Variants in FAM200B observed in about 807,000 individuals in gnomAD.
FAM200B encodes the protein zinc finger BED-type containing 11.
In FAM200B, 32 loss-of-function variants were observed where a neutral mutation model predicts 33.1. The observed-to-expected ratio is 0.97, with a 90% CI of 0.73 to 1.30. The LOEUF (loss-of-function observed/expected upper bound fraction) is 1.30, where lower values mean the gene tolerates loss of function less well. FAM200B is among the 50% of genes most tolerant of loss of function. The probability of loss-of-function intolerance (pLI) is 0.00; values close to 1 mark genes in which losing one functional copy is unlikely to be tolerated. For synonymous variants in FAM200B, 240 were observed against 264.8 expected, an observed-to-expected ratio of 0.91 and a Z score of 0.91; for missense variants, 741 against 754.0, an observed-to-expected ratio of 0.98 and a Z score of 0.20.
chr4:15,652,886 CTGTT>C, the FAM200B span, among the ~76,000 whole-genome samples: 36,624 of 151,988 alleles, frequency 0.24, 4,614 homozygotes, highest in African/African-American at 0.28. Flanking sequence ...TTATTGTAAA[CTGTT>C]TGGTTGGATA....
At chr4:15,651,791 G>C in the FAM200B span, among the ~76,000 whole-genome samples, 1 of 152,228 alleles carries the variant, frequency 6.6e-6, no homozygotes, top group African/African-American at 2.4e-5. Context: ...CACACCTTAA[G>C]GCCTCCACCA....
chr4:15,658,622 A>G, the FAM200B span, among the ~76,000 whole-genome samples: 1 of 152,200 alleles, frequency 6.6e-6, no homozygotes, highest in African/African-American at 2.4e-5. Context: ...AGTCGCCACC[A>G]GAAAAAAGGC....
chr4:15,680,970 T>A (rs927955182), upstream of FAM200B, among the ~76,000 whole-genome samples: 2 of 145,386 alleles, frequency 1.4e-5, no homozygotes, highest in Non-Finnish European at 3.0e-5. Context: ...CATATATATA[T>A]AAATATATAT....
chr4:15,678,129 A>T (rs914046604), upstream of FAM200B, among the ~76,000 whole-genome samples: 1 of 152,220 alleles, frequency 6.6e-6, no homozygotes, highest in African/African-American at 2.4e-5. Flanking sequence ...CTGTGAATTT[A>T]AAAATCAAAC....
upstream of FAM200B, among the ~76,000 whole-genome samples, chr4:15,678,796 T>C (rs1427820598): frequency 1.3e-5 from 2 of 152,186 alleles, no homozygotes; most frequent in East Asian, 1.9e-4. Context: ...AATGTCACTG[T>C]CTTCATTTTT....
At chr4:15,652,298 A>G in the FAM200B span, among the ~76,000 whole-genome samples, 1 of 152,198 alleles carries the variant, frequency 6.6e-6, no homozygotes, top group African/African-American at 2.4e-5. Context: ...GATTTAATAT[A>G]AAGAAAATTA....
chr4:15,650,780 C>A, the FAM200B span, among the ~76,000 whole-genome samples: 1 of 151,044 alleles, frequency 6.6e-6, no homozygotes, highest in Non-Finnish European at 1.5e-5. Flanking sequence ...TTACAGGACC[C>A]CGCCACCATG....
chr4:15,687,776 C>A lies in FAM200B; in HGVS notation c.799C>A (p.Leu267Ile). The change falls in exon 2 of 2, where the codon CTA (leucine) becomes ATA (isoleucine). Residue 267 changes from leucine (L) to isoleucine (I), a missense_variant. Leu to Ile is a conservative substitution (Grantham distance 5). Coordinates refer to ENST00000422728, the MANE Select transcript of FAM200B (RefSeq NM_001145191.2). ...FLCFLNLTSH[L>I]SGLDIFTELE... ...GTGTTTTTTAAATTTAACCTCACAC[C>A]TAAGTGGATTAGATATTTTTACAGA... 1.3e-6 allele frequency: 2 copies of A among 1,550,530 alleles called. No homozygotes were observed. Among genetic ancestry groups the A allele is most frequent in the Non-Finnish European group, 1.7e-6 (2 of 1,146,446 alleles).
At chr4:15,641,977 G>A in the FAM200B span, among the ~76,000 whole-genome samples, 2 of 151,578 alleles carry the variant, frequency 1.3e-5, no homozygotes, top group Admixed American at 6.6e-5. Context: ...GCGGTGAGCC[G>A]AGATTGCACC....
chr4:15,669,282 G>A, the FAM200B span, among the ~76,000 whole-genome samples: 1 of 152,090 alleles, frequency 6.6e-6, no homozygotes, highest in Admixed American at 6.6e-5. Context: ...TTACTTTACT[G>A]TAGGCAATTG....
chr4:15,667,871 G>A, the FAM200B span, among the ~76,000 whole-genome samples: 81 of 152,002 alleles, frequency 5.3e-4, no homozygotes, highest in African/African-American at 1.8e-3. Context: ...GAGAAACCCC[G>A]TCTCTAATAA....
chr4:15,647,995 C>A, the FAM200B span, among the ~76,000 whole-genome samples: 1 of 152,166 alleles, frequency 6.6e-6, no homozygotes, highest in Non-Finnish European at 1.5e-5. Flanking sequence ...ATAGCTGGAA[C>A]TACAGGTGTG....
chr4:15,686,925 G>A lies in FAM200B; in HGVS notation c.-53G>A, dbSNP rs1203440361. On this transcript the variant is annotated 5_prime_UTR_variant, in exon 2 of 2. Transcript: ENST00000422728. ...ACTGTATATTTTTTTCTTCTTTTTT[G>A]AGTTAGTGCCAATTATAACATTTTA... The A allele has an allele frequency of 1.3e-5, 12 of 925,830 alleles. No homozygotes were observed. In the African/African-American group the frequency reaches 2.0e-4, roughly 16 times the overall value. The allele number at this position is 925,830 out of a possible 1,614,324, so 57.4% of individuals were successfully genotyped here. A position where few individuals can be genotyped will look rare whatever the true frequency, so the allele number is the denominator to read the frequency against.
chr4:15,680,600 C>CA (rs999378562), upstream of FAM200B, among the ~76,000 whole-genome samples: 18 of 152,124 alleles, frequency 1.2e-4, no homozygotes, highest in South Asian at 6.2e-4. Context: ...TCGCTTGAAC[C>CA]AGGAGGCTGA....
the FAM200B span, chr4:15,638,496 T>C: frequency 4.5e-6 from 7 of 1,556,676 alleles, no homozygotes; most frequent in East Asian, 1.6e-4. Context: ...TCTTTATATA[T>C]ATGAATCTCA....
At chr4:15,649,807 C>G in the FAM200B span, among the ~76,000 whole-genome samples, 2 of 151,922 alleles carry the variant, frequency 1.3e-5, no homozygotes, top group Admixed American at 1.3e-4. Context: ...TTAAAACAAC[C>G]TAAAAAGTAG....
the FAM200B span, chr4:15,644,380 A>G: frequency 5.9e-6 from 5 of 843,878 alleles, no homozygotes; most frequent in South Asian, 8.8e-5. Context: ...AAGTGACAAA[A>G]TAATTTTTTT....
At chr4:15,644,333 T>C in the FAM200B span, among the ~76,000 whole-genome samples, 459 of 152,342 alleles carry the variant, frequency 3.0e-3, 2 homozygotes, top group African/African-American at 0.01. Flanking sequence ...CCCACTGCAG[T>C]AGTTCTTTTT....
chr4:15,649,882 A>T, the FAM200B span, among the ~76,000 whole-genome samples: 1 of 152,218 alleles, frequency 6.6e-6, no homozygotes, highest in East Asian at 1.9e-4. Context: ...ACCCCACATC[A>T]TACAACTAGT....
Sources: allele counts gnomAD v4.1 joint callset (sites outside exome capture counted in the v4.1 genomes callset), GRCh38; gene constraint gnomAD v4.1.1; transcripts MANE v1.5; gene names NCBI Gene and HGNC (gene_info 2026-07-23, HGNC 2026-07-21).